TNS1: variants seen among roughly 807,000 people sequenced by gnomAD.
The protein encoded by TNS1 is tensin-1.
In TNS1, 62 loss-of-function variants were observed where a neutral mutation model predicts 168.6. That is an observed-to-expected ratio of 0.37 (90% CI 0.30 to 0.45). TNS1 has a LOEUF of 0.45. Among genes scored for constraint, TNS1 ranks in the 20% least tolerant of loss-of-function variants. The probability of loss-of-function intolerance (pLI) is 1.00; values close to 1 mark genes in which losing one functional copy is unlikely to be tolerated. For synonymous variants in TNS1, 934 were observed against 933.2 expected, an observed-to-expected ratio of 1.00 and a Z score of -0.02; for missense variants, 2,240 against 2,339.4, an observed-to-expected ratio of 0.96 and a Z score of 0.88.
rs765386632 is a variant in TNS1, at chr2:217,880,515, G to T, written c.1429+383C>A. Among the ~76,000 whole-genome samples the T allele has an allele frequency of 5.3e-5, 8 of 152,098 alleles. No individual in the cohort carries two copies. Among genetic ancestry groups the T allele is most frequent in the Non-Finnish European group, 1.0e-4 (7 of 68,018 alleles). On this transcript the variant is annotated intron_variant, in intron 18 of 32. Transcript: ENST00000682258. This position sits in a 1 kb window ranked among gnomAD's most constrained non-coding sequence, Gnocchi z 4.2. The stretch of plus-strand genomic sequence containing the variant: ...TGACAAATGCTGTTTTTGCAGCACA[G>T]TGGGGGGTATCTCAAGCTCCACTCA...
intron 3 of TNS1, among the ~76,000 whole-genome samples, chr2:217,968,643 T>C (rs1168079138): frequency 1.3e-5 from 2 of 152,144 alleles, no homozygotes; most frequent in East Asian, 3.8e-4. Flanking sequence ...TATAAATAAA[T>C]ATAAACATAT....
chr2:217,873,658 ACTGGGCTG>A (rs1949967276), intron 18 of TNS1, among the ~76,000 whole-genome samples: 2 of 152,174 alleles, frequency 1.3e-5, no homozygotes, highest in Non-Finnish European at 2.9e-5. Flanking sequence ...GCGAAGGATG[ACTGGGCTG>A]AGGAAGGGGG....
upstream of TNS1, among the ~76,000 whole-genome samples, chr2:218,012,793 C>T (rs759181671): frequency 4.6e-5 from 7 of 152,202 alleles, no homozygotes; most frequent in Non-Finnish European, 7.3e-5. Flanking sequence ...CTCCTGAAGC[C>T]ACTCCAGAAC....
At chr2:217,905,214 C>A in intron 6 of TNS1, 1 of 271,844 alleles carries the variant, frequency 3.7e-6, no homozygotes, top group South Asian at 3.2e-5. Context: ...CCCCCTGCAC[C>A]CCAGTCCCAG....
chr2:217,870,987 C>T (rs1477042565), intron 18 of TNS1, among the ~76,000 whole-genome samples: 1 of 152,214 alleles, frequency 6.6e-6, no homozygotes, highest in Non-Finnish European at 1.5e-5. Flanking sequence ...AGAGGACTCC[C>T]CTCTTGGGGG....
At chr2:217,967,582 A>G (rs1054324060) in intron 3 of TNS1, among the ~76,000 whole-genome samples, 1 of 152,290 alleles carries the variant, frequency 6.6e-6, no homozygotes, top group Non-Finnish European at 1.5e-5. Flanking sequence ...ACAAATTCCT[A>G]GAAAGGCATA....
chr2:217,882,706 AT>A (rs1473051976), intron 16 of TNS1, among the ~76,000 whole-genome samples: 1 of 152,026 alleles, frequency 6.6e-6, no homozygotes, highest in Non-Finnish European at 1.5e-5. Flanking sequence ...AATAGCCACT[AT>A]TTTTATGCCA....
intron 3 of TNS1, among the ~76,000 whole-genome samples, chr2:217,925,191 A>AC (rs1177847427): frequency 6.6e-6 from 1 of 152,118 alleles, no homozygotes; most frequent in Non-Finnish European, 1.5e-5. Context: ...CTCAAACCAA[A>AC]CCCCTTTTAA....
chr2:217,821,808 C>G lies in TNS1; in HGVS notation c.3504G>C (p.Gly1168=), dbSNP rs780179865. Residue 1168 remains glycine (G), a synonymous_variant, in exon 23 of 33, where the codon GGG becomes GGC. Coordinates refer to ENST00000682258, the MANE Select transcript of TNS1 (RefSeq NM_001387777.1). ...AYGHEIPLRN[G]TLGGSFVSPS... Reference sequence around the variant, plus strand: ...GGGAGACAAAGGAGCCACCCAGGGTCCCGTTCCTCAGGGGTATCTCATGGC... The same window carrying G: ...GGGAGACAAAGGAGCCACCCAGGGTGCCGTTCCTCAGGGGTATCTCATGGC... 14 of 1,551,208 alleles carry G rather than the reference C, an allele frequency of 9.0e-6. No individual in the cohort carries two copies. Among genetic ancestry groups the G allele is most frequent in the African/African-American group, 1.4e-5 (1 of 71,416 alleles).
At chr2:217,980,110 C>T (rs929656378) in intron 2 of TNS1, among the ~76,000 whole-genome samples, 1 of 152,120 alleles carries the variant, frequency 6.6e-6, no homozygotes, top group African/African-American at 2.4e-5. Flanking sequence ...GGAAAGGGAC[C>T]TTGGCCACTG....
intron 3 of TNS1, among the ~76,000 whole-genome samples, chr2:217,928,086 G>A (rs1398701932): frequency 6.6e-6 from 1 of 152,330 alleles, no homozygotes; most frequent in East Asian, 1.9e-4. Context: ...AGGGGAGAGG[G>A]CCAGTTGTTA....
Position 217,810,146 on chromosome 2 carries a change from T to C in TNS1, c.5104+102A>G, listed in dbSNP as rs1940567178. ...AGAAATGTGATCTTCCCAGAGACAT[T>C]TGGGCCTGGAGAGACCTCCAGCCTG... On this transcript the variant is annotated intron_variant, in intron 29 of 32. Transcript: ENST00000682258. 15 of 1,470,486 alleles carry C rather than the reference T, an allele frequency of 1.0e-5. No individual in the cohort carries two copies. The East Asian group carries it at 1.1e-4, about 11-fold the overall frequency. 91.1% of individuals were successfully genotyped at this position (1,470,486 alleles called of 1,614,324 possible).
chr2:217,980,314 G>T (rs1336579177), intron 2 of TNS1, among the ~76,000 whole-genome samples: 1 of 152,058 alleles, frequency 6.6e-6, no homozygotes, highest in Non-Finnish European at 1.5e-5. Flanking sequence ...TGGTCTTTCT[G>T]CTTCTCCCTC....
chr2:217,902,771 C>T (rs1302846339), intron 6 of TNS1, among the ~76,000 whole-genome samples: 1 of 152,166 alleles, frequency 6.6e-6, no homozygotes, highest in African/African-American at 2.4e-5. Context: ...TGGACAGTGA[C>T]CCCAGTGCAG....
At chr2:217,806,728 T>C (rs1247787846) in intron 32 of TNS1, among the ~76,000 whole-genome samples, 2 of 152,352 alleles carry the variant, frequency 1.3e-5, no homozygotes, top group African/African-American at 2.4e-5. Flanking sequence ...GACCATGTGA[T>C]AGACTAGTCA....
At chr2:217,846,687 C>G (rs539224757) in intron 19 of TNS1, among the ~76,000 whole-genome samples, 5 of 152,344 alleles carry the variant, frequency 3.3e-5, no homozygotes, top group Admixed American at 6.5e-5. Flanking sequence ...GGGAAGGGAA[C>G]CTCGCAGCTG....
intron 18 of TNS1, among the ~76,000 whole-genome samples, chr2:217,855,356 CT>C (rs1191066030): frequency 6.6e-6 from 1 of 152,218 alleles, no homozygotes; most frequent in Non-Finnish European, 1.5e-5. Flanking sequence ...TGCTTTCAGA[CT>C]CAGTTCAAAC....
upstream of TNS1, among the ~76,000 whole-genome samples, chr2:218,015,362 G>T (rs536176319): frequency 2.0e-4 from 30 of 152,158 alleles, no homozygotes; most frequent in South Asian, 1.0e-3. Flanking sequence ...GAGGGGGAGG[G>T]GGAAAGAGAG....
chr2:218,010,942 T>A (rs1958700559), upstream of TNS1, among the ~76,000 whole-genome samples: 1 of 152,128 alleles, frequency 6.6e-6, no homozygotes, highest in South Asian at 2.1e-4. Flanking sequence ...CCTCTGACCC[T>A]GGCCACACAC....
Sources: allele counts gnomAD v4.1 joint callset (sites outside exome capture counted in the v4.1 genomes callset), GRCh38; gene constraint gnomAD v4.1.1; non-coding constraint Gnocchi (gnomAD v3.1); transcripts MANE v1.5; gene names NCBI Gene and HGNC (gene_info 2026-07-23, HGNC 2026-07-21).